The following ZNF215 variants were observed in gnomAD, a reference collection of about 807,000 sequenced individuals.
The protein encoded by ZNF215 is zinc finger protein 215, also known as BWSCR2-associated zinc finger protein 2.
In ZNF215, 24 loss-of-function variants were observed where a neutral mutation model predicts 27.2. That is an observed-to-expected ratio of 0.88 (90% CI 0.64 to 1.24). The LOEUF (loss-of-function observed/expected upper bound fraction) is 1.24, where lower values mean the gene tolerates loss of function less well. Among genes scored for constraint, ZNF215 ranks in the 50% most tolerant of loss-of-function variants. ZNF215 has a pLI of 0.00. For synonymous variants in ZNF215, 210 were observed against 204.0 expected (o/e 1.03, Z -0.25); for missense variants, 675 against 605.7 (o/e 1.11, Z -1.20).
At chr11:6,990,775 C>T (rs1851106712), downstream of ZNF215, among the ~76,000 whole-genome samples, 1 of 134,852 alleles carries the variant, frequency 7.4e-6, no homozygotes, top group South Asian at 2.6e-4. Context: ...TGTGCGCACA[C>T]ACACAAAGGG....
At chr11:6,967,423 C>G (rs189939579) in intron 5 of ZNF215, among the ~76,000 whole-genome samples, 2 of 152,218 alleles carry the variant, frequency 1.3e-5, no homozygotes, top group African/African-American at 4.8e-5. Flanking sequence ...CTCCCACCAA[C>G]AGTGCAAAAG....
chr11:6,986,199 G>T (rs1851051457), downstream of ZNF215, among the ~76,000 whole-genome samples: 2 of 152,006 alleles, frequency 1.3e-5, no homozygotes. Context: ...CAATACAACA[G>T]AATAGAGAAT....
chr11:6,949,524 T>C (rs1278784663), intron 6 of ZNF215, among the ~76,000 whole-genome samples: 2 of 152,204 alleles, frequency 1.3e-5, no homozygotes, highest in Non-Finnish European at 2.9e-5. Flanking sequence ...TTTTCATGTG[T>C]TTTTTGGCTG....
chr11:6,938,233 G>T (rs1849505480), intron 3 of ZNF215, among the ~76,000 whole-genome samples: 1 of 151,916 alleles, frequency 6.6e-6, no homozygotes, highest in African/African-American at 2.4e-5. Flanking sequence ...AAAAGTATAG[G>T]AATAAATGTT....
chr11:6,956,716 T>C lies in ZNF215; in HGVS notation c.*185T>C. The C allele has an allele frequency of 1.4e-6, 2 of 1,379,948 alleles. No individual in the cohort carries two copies. The highest frequency in any genetic ancestry group is 1.9e-6 in the Non-Finnish European group (2 of 1,074,424). The allele number at this position is 1,379,948 out of a possible 1,614,324, so 85.5% of individuals were successfully genotyped here. A position where few individuals can be genotyped will look rare whatever the true frequency, so the allele number is the denominator to read the frequency against. On this transcript the variant is annotated 3_prime_UTR_variant, in exon 7 of 7. Transcript: ENST00000278319. The stretch of plus-strand genomic sequence containing the variant: ...TGGATAGAAATCTGTTTGAAGGAAT[T>C]TTCCTGGTTTTCAGATGAAGCCATA...
At chr11:6,931,181 A>C (rs1849246236) in intron 2 of ZNF215, among the ~76,000 whole-genome samples, 1 of 152,236 alleles carries the variant, frequency 6.6e-6, no homozygotes, top group Non-Finnish European at 1.5e-5. Context: ...GGAGAACTGT[A>C]AATCAAATAG....
At position 6,956,735 on chromosome 11, in the gene ZNF215, A is replaced by C. The variant is rs138894244; in HGVS notation, c.*204A>C. The C allele has an allele frequency of 1.3e-3, 1,713 of 1,369,708 alleles. 22 individuals are homozygous for C. The African/African-American group carries it at 0.023, about 18-fold the overall frequency. 84.8% of individuals were successfully genotyped at this position (1,369,708 alleles called of 1,614,324 possible). A position where few individuals can be genotyped will look rare whatever the true frequency, so the allele number is the denominator to read the frequency against. On this transcript the variant is annotated 3_prime_UTR_variant, in exon 7 of 7. Transcript: ENST00000278319. ...AGGAATTTTCCTGGTTTTCAGATGA[A>C]GCCATAAGGCTTTGGAGTTAAACCA...
At position 6,943,227 on chromosome 11, in the gene ZNF215, A is replaced by G. The variant is rs1007197255; in HGVS notation, c.616+12A>G. ...TTCATTGCGTAAAGGTGGTTTCTAT[A>G]TGTTTACCTAATCTGTCCATTTAGT... On this transcript the variant is annotated intron_variant, in intron 5 of 6. Coordinates refer to ENST00000278319, the MANE Select transcript of ZNF215 (RefSeq NM_013250.4). The G allele has an allele frequency of 6.8e-6, 11 of 1,605,938 alleles. No homozygotes were observed. The highest frequency in any genetic ancestry group is 2.2e-5 in the East Asian group (1 of 44,820).
At chr11:6,977,154 C>A (rs969031046) in intron 5 of ZNF215, among the ~76,000 whole-genome samples, 16 of 152,034 alleles carry the variant, frequency 1.1e-4, no homozygotes, top group Non-Finnish European at 5.9e-5. Flanking sequence ...AGTAGTCCCC[C>A]CTTTTCCATG....
chr11:6,989,021 G>T (rs1460996398), downstream of ZNF215: 1 of 151,980 alleles, frequency 6.6e-6, no homozygotes, highest in Non-Finnish European at 1.5e-5. Flanking sequence ...GCCAGGCATG[G>T]TGGTGGGTGC....
At chr11:6,949,081 T>A (rs1849940081) in intron 6 of ZNF215, among the ~76,000 whole-genome samples, 3 of 150,830 alleles carry the variant, frequency 2.0e-5, no homozygotes, top group Admixed American at 2.0e-4. Context: ...CATGAACTCA[T>A]CATTTTTTAT....
At chr11:6,929,614 G>T (rs1849180044) in intron 2 of ZNF215, among the ~76,000 whole-genome samples, 1 of 152,130 alleles carries the variant, frequency 6.6e-6, no homozygotes, top group Non-Finnish European at 1.5e-5. Flanking sequence ...TTAGACTGGG[G>T]TTATGGGTTT....
chr11:6,991,319 C>T (rs1353256853), downstream of ZNF215, among the ~76,000 whole-genome samples: 1 of 152,190 alleles, frequency 6.6e-6, no homozygotes, highest in East Asian at 1.9e-4. Context: ...CCAGGATGTC[C>T]AGCACCAGCC....
chr11:6,965,241 A>G (rs931724751), intron 5 of ZNF215, among the ~76,000 whole-genome samples: 2 of 152,148 alleles, frequency 1.3e-5, no homozygotes, highest in Non-Finnish European at 2.9e-5. Flanking sequence ...AAAGTCACAC[A>G]TGTAAAAGTG....
At chr11:6,955,503 T>G (rs1465498552) in intron 6 of ZNF215, among the ~76,000 whole-genome samples, 187 bp from the exon 7 acceptor site, 1 of 152,220 alleles carries the variant, frequency 6.6e-6, no homozygotes, top group African/African-American at 2.4e-5. Flanking sequence ...CTATTTTATT[T>G]ACTAACCTCC....
At chr11:6,965,884 T>G (rs750158480) in intron 5 of ZNF215, among the ~76,000 whole-genome samples, 2 of 152,154 alleles carry the variant, frequency 1.3e-5, no homozygotes, top group Non-Finnish European at 2.9e-5. Flanking sequence ...CTTTTTCTTG[T>G]ATGCCTTGGT....
intron 2 of ZNF215, among the ~76,000 whole-genome samples, chr11:6,931,721 G>T (rs1429666313): frequency 6.6e-6 from 1 of 151,944 alleles, no homozygotes; most frequent in Non-Finnish European, 1.5e-5. Flanking sequence ...GAGAACTTTG[G>T]GTAAGGTTTT....
At chr11:6,974,520 T>C (rs565094607) in intron 5 of ZNF215, among the ~76,000 whole-genome samples, 1 of 152,186 alleles carries the variant, frequency 6.6e-6, no homozygotes, top group Non-Finnish European at 1.5e-5. Context: ...ATTCTTCCTA[T>C]CCATGAGCAT....
At chr11:6,981,581 T>A (rs1413106262) in intron 5 of ZNF215, among the ~76,000 whole-genome samples, 1 of 151,942 alleles carries the variant, frequency 6.6e-6, no homozygotes, top group African/African-American at 2.4e-5. Flanking sequence ...CTGATGGTAG[T>A]TTCTTTTGCT....
Sources: gnomAD v4.1 joint callset for allele counts (sites outside exome capture counted in the v4.1 genomes callset) on GRCh38, gnomAD v4.1.1 for gene constraint, MANE v1.5 for transcripts, NCBI Gene and HGNC (gene_info 2026-07-23, HGNC 2026-07-21) for gene names.